The following EXOC4 variants were observed in gnomAD, a reference collection of about 807,000 sequenced individuals.
The protein encoded by EXOC4 is SEC8-like 1.
Under a neutral mutation model 107.2 loss-of-function variants are expected in EXOC4, and 71 were observed. The ratio of observed to expected loss-of-function variants is 0.66; its 90% CI spans 0.55 to 0.81. The LOEUF is 0.81. EXOC4 is among the 30% of genes least tolerant of loss of function. The pLI, the probability that EXOC4 is intolerant of heterozygous loss-of-function variation, is 0.00. For synonymous variants in EXOC4, 456 were observed against 441.2 expected (o/e 1.03, Z -0.42); for missense variants, 1,108 against 1,189.6 (o/e 0.93, Z 1.01).
At chr7:134,025,671 T>C (rs1795123406) in intron 17 of EXOC4, among the ~76,000 whole-genome samples, 1 of 152,178 alleles carries the variant, frequency 6.6e-6, no homozygotes, top group Admixed American at 6.5e-5. Context: ...CCTCTCTCTG[T>C]TTCTGTGTAG....
intron 11 of EXOC4, among the ~76,000 whole-genome samples, chr7:133,874,098 A>G (rs1250794588): frequency 6.6e-6 from 1 of 152,176 alleles, no homozygotes; most frequent in Non-Finnish European, 1.5e-5. Flanking sequence ...GTTAAAGCCT[A>G]AGGTTACTTT....
intron 11 of EXOC4, among the ~76,000 whole-genome samples, chr7:133,884,550 T>C (rs1799036027): frequency 6.6e-6 from 1 of 151,626 alleles, no homozygotes; most frequent in Admixed American, 6.6e-5. Flanking sequence ...GATGCTTAAA[T>C]TATTGCTCTC....
intron 7 of EXOC4, among the ~76,000 whole-genome samples, chr7:133,427,859 C>G (rs1797763179): frequency 6.6e-6 from 1 of 152,088 alleles, no homozygotes; most frequent in African/African-American, 2.4e-5. Context: ...AAAAATTACA[C>G]TGTGTTTTGA....
intron 9 of EXOC4, among the ~76,000 whole-genome samples, chr7:133,509,964 T>C (rs1028581922): frequency 1.1e-4 from 17 of 152,246 alleles, no homozygotes; most frequent in African/African-American, 4.1e-4. Context: ...TACACCTGTT[T>C]TATTTTTAAC....
intron 9 of EXOC4, among the ~76,000 whole-genome samples, chr7:133,513,986 A>G (rs1313571680): frequency 1.3e-5 from 2 of 152,136 alleles, no homozygotes; most frequent in East Asian, 3.8e-4. Context: ...TCAGGGCGCT[A>G]TATCATGCTT....
At chr7:133,376,151 G>A (rs965884407) in intron 7 of EXOC4, among the ~76,000 whole-genome samples, 3 of 152,090 alleles carry the variant, frequency 2.0e-5, no homozygotes, top group African/African-American at 7.2e-5. Flanking sequence ...TGAATGGATT[G>A]ATTCCTGGTT....
At chr7:133,895,792 A>G (rs2042455) in intron 12 of EXOC4, 57 bp downstream of exon 12, 652,255 of 1,566,252 alleles carry the variant, frequency 0.42, 141,096 homozygotes, top group African/African-American at 0.66. Flanking sequence ...GGTGGTTCCA[A>G]TTGGTGAAAT....
At chr7:133,511,446 C>G (rs953530426) in intron 9 of EXOC4, among the ~76,000 whole-genome samples, 2 of 152,138 alleles carry the variant, frequency 1.3e-5, no homozygotes, top group African/African-American at 2.4e-5. Context: ...TCAGTGTTCT[C>G]TCTGTCTCTG....
intron 17 of EXOC4, among the ~76,000 whole-genome samples, chr7:134,059,073 A>G (rs556045710): frequency 2.0e-5 from 3 of 152,296 alleles, no homozygotes; most frequent in Admixed American, 6.5e-5. Context: ...AAGTAAAGGA[A>G]GGCAAAAGGC....
intron 9 of EXOC4, among the ~76,000 whole-genome samples, chr7:133,565,638 A>G (rs1800893284): frequency 6.6e-6 from 1 of 152,190 alleles, no homozygotes; most frequent in African/African-American, 2.4e-5. Context: ...GTCCCATGCA[A>G]TATTTGGAAC....
At chr7:133,320,072 T>TA (rs1238280266) in intron 5 of EXOC4, among the ~76,000 whole-genome samples, 4 of 152,192 alleles carry the variant, frequency 2.6e-5, no homozygotes, top group Non-Finnish European at 5.9e-5. Context: ...TAATAATTGA[T>TA]AAAAGTTTAC....
At chr7:133,862,493 G>GA (rs141696187) in intron 11 of EXOC4, among the ~76,000 whole-genome samples, 1 of 150,302 alleles carries the variant, frequency 6.7e-6, no homozygotes, top group African/African-American at 2.4e-5. Flanking sequence ...AGGGGGCGGG[G>GA]AAAAAAAAAG....
intron 14 of EXOC4, among the ~76,000 whole-genome samples, chr7:133,985,846 G>A (rs1449624142): frequency 2.6e-5 from 4 of 151,976 alleles, no homozygotes; most frequent in Admixed American, 6.6e-5. Context: ...ACCTTCTCCC[G>A]ATCCTCCAGT....
intron 15 of EXOC4, among the ~76,000 whole-genome samples, chr7:133,998,343 T>TG (rs1368380856): frequency 6.6e-6 from 1 of 152,176 alleles, no homozygotes; most frequent in East Asian, 1.9e-4. Flanking sequence ...ACTAGCATAG[T>TG]GGGCAGTTGC....
At chr7:133,539,761 G>C (rs1161795477) in intron 9 of EXOC4, among the ~76,000 whole-genome samples, 1 of 152,088 alleles carries the variant, frequency 6.6e-6, no homozygotes, top group Non-Finnish European at 1.5e-5. Flanking sequence ...CCTGTTTGAA[G>C]ATCCCATCAT....
At chr7:133,742,589 A>C (rs948148176) in intron 10 of EXOC4, among the ~76,000 whole-genome samples, 1 of 152,352 alleles carries the variant, frequency 6.6e-6, no homozygotes, top group East Asian at 1.9e-4. Context: ...CTAGTTTCAT[A>C]TCCTGCAGCA....
At chr7:133,477,659 G>A (rs577760543) in intron 8 of EXOC4, among the ~76,000 whole-genome samples, 2 of 152,200 alleles carry the variant, frequency 1.3e-5, no homozygotes, top group South Asian at 2.1e-4. Context: ...ACTCATTTTT[G>A]TAAATACCTG....
intron 10 of EXOC4, among the ~76,000 whole-genome samples, chr7:133,637,928 T>C (rs1453843215): frequency 6.6e-6 from 1 of 152,134 alleles, no homozygotes; most frequent in Non-Finnish European, 1.5e-5. Flanking sequence ...AGTCAAGATA[T>C]CAACCCATGT....
intron 17 of EXOC4, among the ~76,000 whole-genome samples, chr7:134,050,254 T>G (rs1251893972): frequency 6.6e-6 from 1 of 152,166 alleles, no homozygotes; most frequent in Non-Finnish European, 1.5e-5. Context: ...ACCATTATCT[T>G]TTTACGTAAC....
Sources: allele counts gnomAD v4.1 joint callset (sites outside exome capture counted in the v4.1 genomes callset), GRCh38; gene constraint gnomAD v4.1.1; transcripts MANE v1.5; gene names NCBI Gene and HGNC (gene_info 2026-07-23, HGNC 2026-07-21).